The following SAMMSON variants were observed in gnomAD, a reference collection of about 807,000 sequenced individuals.
SAMMSON encodes the protein survival associated mitochondrial melanoma specific oncogenic non-coding RNA.
At position 70,258,068 on chromosome 3, in the gene SAMMSON, C is replaced by T. The variant is rs556863694; in HGVS notation, n.674+8398C>T. 2.6e-5 allele frequency among the ~76,000 whole-genome samples: 4 copies of T among 152,202 alleles called. No homozygotes were observed. In the East Asian group the frequency reaches 5.8e-4, roughly 22 times the overall value. ...TCATTAGATGGTGCTAGAAGAACATCTGGATATTCATAAGGAAAAGTTAAA... is the reference window on the plus strand; with the variant it reads ...TCATTAGATGGTGCTAGAAGAACATTTGGATATTCATAAGGAAAAGTTAAA... On this transcript the variant is annotated intron_variant and non_coding_transcript_variant, in intron 6 of 9. Coordinates refer to ENST00000642114, the Ensembl canonical transcript of SAMMSON.
chr3:70,016,658 G>A (rs2066987206), intron 3 of SAMMSON, among the ~76,000 whole-genome samples: 1 of 152,150 alleles, frequency 6.6e-6, no homozygotes, highest in Non-Finnish European at 1.5e-5. Flanking sequence ...TGAAGTCCTT[G>A]CCCATGCCTG....
At chr3:70,002,578 G>A (rs2066910185) in intron 1 of SAMMSON, among the ~76,000 whole-genome samples, 1 of 151,322 alleles carries the variant, frequency 6.6e-6, no homozygotes, top group Admixed American at 6.6e-5. Context: ...AGTTATTTTT[G>A]AAGAGGATTA....
intron 4 of SAMMSON, chr3:70,096,044 A>G (rs759924350): frequency 2.0e-5 from 3 of 152,184 alleles, no homozygotes; most frequent in Non-Finnish European, 4.4e-5. Flanking sequence ...CGTTCAAGGT[A>G]TTGGGCAAGG....
intron 3 of SAMMSON, among the ~76,000 whole-genome samples, chr3:70,020,547 T>C (rs1247025831): frequency 2.0e-5 from 3 of 152,156 alleles, no homozygotes; most frequent in Non-Finnish European, 4.4e-5. Flanking sequence ...TGGTGTTTAT[T>C]GCAGAGTCTT....
intron 7 of SAMMSON, among the ~76,000 whole-genome samples, chr3:70,340,075 TA>T (rs1202460355): frequency 6.6e-6 from 1 of 152,104 alleles, no homozygotes; most frequent in East Asian, 1.9e-4. Flanking sequence ...TATGCAGCCA[TA>T]AAAAATGATG....
At chr3:70,173,253 G>C (rs1700977155) in intron 4 of SAMMSON, among the ~76,000 whole-genome samples, 1 of 151,842 alleles carries the variant, frequency 6.6e-6, no homozygotes, top group Admixed American at 6.6e-5. Context: ...TTTTTCAGCA[G>C]ACTATTTTAC....
chr3:70,347,546 G>A (rs527325760), intron 7 of SAMMSON, among the ~76,000 whole-genome samples: 23 of 152,226 alleles, frequency 1.5e-4, no homozygotes, highest in African/African-American at 5.3e-4. Context: ...TAATTTTTCT[G>A]CTCCTCTCAT....
chr3:70,385,966 C>G (rs1703120409), intron 9 of SAMMSON, among the ~76,000 whole-genome samples: 1 of 152,054 alleles, frequency 6.6e-6, no homozygotes, highest in African/African-American at 2.4e-5. Context: ...TAGCAATGTA[C>G]TGCCCAGGAC....
intron 4 of SAMMSON, among the ~76,000 whole-genome samples, chr3:70,105,438 T>C (rs976026553): frequency 5.3e-5 from 8 of 152,166 alleles, no homozygotes; most frequent in Admixed American, 4.6e-4. Context: ...GAATTGAATA[T>C]TTGAGGGCTA....
At chr3:70,149,021 G>A (rs551655868) in intron 4 of SAMMSON, among the ~76,000 whole-genome samples, 13 of 152,088 alleles carry the variant, frequency 8.5e-5, no homozygotes, top group Admixed American at 2.6e-4. Flanking sequence ...ACATTGCGTC[G>A]CTCACAAAGA....
chr3:70,379,283 A>G (rs1703045487), intron 9 of SAMMSON, among the ~76,000 whole-genome samples: 1 of 152,210 alleles, frequency 6.6e-6, no homozygotes, highest in African/African-American at 2.4e-5. Context: ...AAGTGTACTT[A>G]CACTTTTAAA....
At chr3:70,311,021 CAAT>C (rs1702449357) in intron 7 of SAMMSON, among the ~76,000 whole-genome samples, 1 of 152,054 alleles carries the variant, frequency 6.6e-6, no homozygotes, top group Admixed American at 6.6e-5. Flanking sequence ...GCAAAATCAT[CAAT>C]AAATATCAAT....
chr3:70,401,350 A>G (rs1237248503), intron 2 of SAMMSON, among the ~76,000 whole-genome samples: 1 of 152,198 alleles, frequency 6.6e-6, no homozygotes, highest in African/African-American at 2.4e-5. Flanking sequence ...AAGAAATTCT[A>G]CATGATCCAA....
intron 4 of SAMMSON, among the ~76,000 whole-genome samples, chr3:70,085,145 T>C (rs528006222): frequency 3.3e-4 from 51 of 152,306 alleles, no homozygotes; most frequent in Admixed American, 1.8e-3. Context: ...GTGGGCACCT[T>C]TTCCAACTGT....
At chr3:70,124,526 C>T (rs181076013) in intron 4 of SAMMSON, among the ~76,000 whole-genome samples, 2 of 152,040 alleles carry the variant, frequency 1.3e-5, no homozygotes, top group African/African-American at 4.8e-5. Context: ...AAATACTGTA[C>T]CTGTGGCCGA....
intron 4 of SAMMSON, chr3:70,205,760 T>C (rs746189694): frequency 2.6e-5 from 4 of 152,114 alleles, no homozygotes; most frequent in African/African-American, 9.7e-5. Flanking sequence ...AAAGTAAATA[T>C]GTATTTAAAT....
At chr3:70,083,972 C>G (rs1030133234) in intron 4 of SAMMSON, among the ~76,000 whole-genome samples, 1 of 152,166 alleles carries the variant, frequency 6.6e-6, no homozygotes, top group Non-Finnish European at 1.5e-5. Context: ...ACTTACATAG[C>G]TATGATTCCT....
At chr3:70,418,987 C>CCTTTCCTTTCCTTCCTTCCT (rs1701289134) in intron 2 of SAMMSON, among the ~76,000 whole-genome samples, 1 of 76,208 alleles carries the variant, frequency 1.3e-5, no homozygotes, top group Non-Finnish European at 2.4e-5. Flanking sequence ...CCTTCTCTCT[C>CCTTTCCTTTCCTTCCTTCCT]TCTCTCTCTC....
At chr3:70,009,897 C>G (rs1301756325) in intron 1 of SAMMSON, among the ~76,000 whole-genome samples, 2 of 149,252 alleles carry the variant, frequency 1.3e-5, no homozygotes, top group Non-Finnish European at 3.0e-5. Context: ...TCGTTATGGA[C>G]TCAGTAGTCA....
Sources: gnomAD v4.1 joint callset for allele counts (sites outside exome capture counted in the v4.1 genomes callset) on GRCh38, gnomAD v4.1.1 for gene constraint, MANE v1.5 for transcripts, NCBI Gene and HGNC (gene_info 2026-07-23, HGNC 2026-07-21) for gene names.